ZAN: variants seen among roughly 807,000 people sequenced by gnomAD.
ZAN encodes zonadhesin (gene/pseudogene).
In ZAN, 260 loss-of-function variants were observed where a neutral mutation model predicts 286.2. That is an observed-to-expected ratio of 0.91 (90% CI 0.82 to 1.01). The LOEUF (loss-of-function observed/expected upper bound fraction) is 1.01, where lower values mean the gene tolerates loss of function less well. Among genes scored for constraint, ZAN ranks in the 50% least tolerant of loss-of-function variants. ZAN has a pLI of 0.00. For missense variants in ZAN, 3,410 were observed against 3,639.2 expected, an observed-to-expected ratio of 0.94 and a Z score of 1.62; for synonymous variants, 1,368 against 1,417.5, an observed-to-expected ratio of 0.97 and a Z score of 0.79.
intron 34 of ZAN, among the ~76,000 whole-genome samples, chr7:100,777,844 G>A (rs1357125578): frequency 6.6e-6 from 1 of 150,960 alleles, no homozygotes; most frequent in Non-Finnish European, 1.5e-5. Flanking sequence ...CTCCCGCCTC[G>A]GCCCCCCAAA....
At chr7:100,792,590 C>A (rs1159257082) in intron 42 of ZAN, 111 bp downstream of exon 42, 1 of 1,543,898 alleles carries the variant, frequency 6.5e-7, no homozygotes, top group Non-Finnish European at 8.7e-7. Context: ...CCTCTGCCGT[C>A]CACCTCTGCT....
chr7:100,769,816 GGATTAT>G, intron 27 of ZAN, 58 bp from the exon 28 acceptor site: 2 of 1,451,874 alleles, frequency 1.4e-6, no homozygotes, highest in Non-Finnish European at 1.9e-6. Context: ...CAAAGTGCTG[GGATTAT>G]AGGCATGAGC....
At position 100,753,122 on chromosome 7, in the gene ZAN, G is replaced by T; in HGVS notation, c.3017G>T (p.Ser1006Ile). ...KLTALRPPHPSPTATGLAALV... is the reference protein window; with the variant it reads ...KLTALRPPHPIPTATGLAALV... ...ACAGCCCTGAGGCCACCCCATCCCA[G>T]CCCCACAGCCACTGGGCTGGCAGCC... The change falls in exon 14 of 48, where the codon AGC becomes ATC. Residue 1006 changes from serine to isoleucine, a missense_variant. By Grantham distance (142) the Ser-to-Ile change is moderately radical. Around this residue, in one of 7 missense-constraint regions of ZAN, gnomAD observed 1,042 missense variants for 1,058.0 expected, o/e 0.98. Transcript: ENST00000613979. 1 of 1,613,802 alleles carries T rather than the reference G, an allele frequency of 6.2e-7. No homozygotes were observed.
intron 25 of ZAN, 133 bp from the exon 26 acceptor site, chr7:100,767,698 C>T (rs569053792): frequency 1.4e-5 from 14 of 1,027,846 alleles, no homozygotes; most frequent in South Asian, 5.2e-5. Context: ...AGGCTGATCT[C>T]GAGATCCTGG....
At chr7:100,780,087 G>A (rs918295219) in intron 35 of ZAN, among the ~76,000 whole-genome samples, 17 of 151,936 alleles carry the variant, frequency 1.1e-4, no homozygotes, top group African/African-American at 4.1e-4. Flanking sequence ...CAGCTACTCG[G>A]GAGGCTGAGG....
intron 19 of ZAN, among the ~76,000 whole-genome samples, chr7:100,760,737 G>A (rs189311531): frequency 6.6e-5 from 10 of 152,204 alleles, no homozygotes; most frequent in South Asian, 6.2e-4. Flanking sequence ...AAATGGTTTC[G>A]GGGCATGTGA....
chr7:100,748,152 G>A lies in ZAN; in HGVS notation c.1039G>A (p.Val347Ile), dbSNP rs758610553. 2.6e-5 allele frequency: 42 copies of A among 1,613,692 alleles called. No individual in the cohort carries two copies. The highest frequency in any genetic ancestry group is 1.6e-4 in the Middle Eastern group (1 of 6,084). Residue 347 changes from valine to isoleucine, a missense_variant, in exon 10 of 48, where the codon GTT becomes ATT. By Grantham distance (29) the Val-to-Ile change is conservative (BLOSUM62 3). This residue lies in a region of ZAN where 872 missense variants were observed against 938.9 expected (regional missense o/e 0.93). Transcript: ENST00000613979. ...VGRIQFAVVGVFGKTPEPAVA... is the reference protein window; with the variant it reads ...VGRIQFAVVGIFGKTPEPAVA... ...TTCTCTCCAGTTTGCCGTGGTAGGC[G>A]TTTTTGGAAAGACCCCAGAGCCAGC...
chr7:100,749,695 T>C (rs1241008536), intron 11 of ZAN, among the ~76,000 whole-genome samples: 1 of 133,544 alleles, frequency 7.5e-6, no homozygotes, highest in African/African-American at 2.7e-5. Flanking sequence ...CACATATATA[T>C]ACACACATAT....
At chr7:100,787,103 T>C (rs1811608673) in intron 37 of ZAN, among the ~76,000 whole-genome samples, 1 of 150,996 alleles carries the variant, frequency 6.6e-6, no homozygotes, top group Non-Finnish European at 1.5e-5. Context: ...GGGCCTCTAA[T>C]TGAATGTCAG....
chr7:100,794,226 C>G lies in ZAN; in HGVS notation c.8093C>G (p.Thr2698Ser). Residue 2698 changes from threonine to serine, a missense_variant, in exon 44 of 48, where the codon ACC becomes AGC. Transcript: ENST00000613979. ...PFSCRAGEVCTLGNHTQGCFP... is the reference protein window; with the variant it reads ...PFSCRAGEVCSLGNHTQGCFP... ...AGCTGCAGAGCGGGGGAGGTCTGCA[C>G]CCTGGGGAACCACACCCAAGGCTGC... The G allele has an allele frequency of 6.2e-7, 1 of 1,611,268 alleles. No homozygotes were observed. The highest frequency in any genetic ancestry group is 2.2e-5 in the East Asian group (1 of 44,854).
In ZAN at chr7:100,758,627, C is replaced by T; in HGVS notation, c.3548C>T (p.Ala1183Val). ...ATGGGCAAGTGCACTTACATCTTGG[C>T]CCAGCCCTGTGGCAACTCAACAGGT... The part of the protein sequence containing the change: ...GFMGKCTYIL[A>V]QPCGNSTDPF... The change falls in exon 17 of 48, where the codon GCC becomes GTC. Residue 1183 changes from alanine to valine, a missense_variant. Around this residue, in one of 7 missense-constraint regions of ZAN, gnomAD observed 1,042 missense variants for 1,058.0 expected, o/e 0.98. Transcript: ENST00000613979. The T allele has an allele frequency of 1.9e-6, 3 of 1,557,408 alleles. No homozygotes were observed. Among genetic ancestry groups the T allele is most frequent in the Non-Finnish European group, 2.6e-6 (3 of 1,150,472 alleles).
chr7:100,765,209 G>A lies in ZAN; in HGVS notation c.4268-143G>A. The A allele has an allele frequency of 1.1e-5, 11 of 976,890 alleles. No homozygotes were observed. In the South Asian group the frequency reaches 1.8e-4, roughly 16 times the overall value. 60.5% of individuals were successfully genotyped at this position (976,890 alleles called of 1,614,324 possible). On this transcript the variant is annotated intron_variant, in intron 22 of 47. Transcript: ENST00000613979. ...CCCAGGGAGCCAGCCAGGCTCCTTG[G>A]GGAAGCTTCTCACAGTCACTCTCTC...
chr7:100,771,048 C>T (rs62483598), intron 28 of ZAN, among the ~76,000 whole-genome samples: 1 of 151,960 alleles, frequency 6.6e-6, no homozygotes. Flanking sequence ...AAATGATCCA[C>T]CTGCCTTGGC....
intron 12 of ZAN, 123 bp downstream of exon 12, chr7:100,751,019 C>T (rs905002547): frequency 3.8e-5 from 55 of 1,440,392 alleles, no homozygotes; most frequent in African/African-American, 1.0e-4. Context: ...AGGGGAACTT[C>T]GTGTTACAGA....
intron 34 of ZAN, among the ~76,000 whole-genome samples, chr7:100,778,587 G>A (rs552154957): frequency 1.3e-5 from 2 of 152,220 alleles, no homozygotes; most frequent in African/African-American, 4.8e-5. Flanking sequence ...CAGACTGGGC[G>A]ACAGATTGGG....
At chr7:100,790,259 G>C (rs1230640690) in intron 39 of ZAN, among the ~76,000 whole-genome samples, 9 of 151,390 alleles carry the variant, frequency 5.9e-5, no homozygotes, top group African/African-American at 2.2e-4. Context: ...GCAAGACCCT[G>C]CTTTAAAAAA....
At chr7:100,743,970 G>T (rs1807998909) in intron 7 of ZAN, among the ~76,000 whole-genome samples, 1 of 151,254 alleles carries the variant, frequency 6.6e-6, no homozygotes, top group Non-Finnish European at 1.5e-5. Context: ...TCCTGCTTCG[G>T]CCTCCCAAAG....
rs529343079 is a variant in ZAN at position 100,779,288 on chromosome 7, G to A, written c.6318-158G>A. Among the ~76,000 whole-genome samples the A allele has an allele frequency of 2.8e-3, 420 of 152,066 alleles. 21 individuals carry two copies. In the South Asian group the frequency reaches 0.083, roughly 30 times the overall value. On this transcript the variant is annotated intron_variant, in intron 34 of 47. Transcript: ENST00000613979. ...GAAGGCTGAGTGAGACAGGAGAATC[G>A]CTTGAACATGGGAGGGAAGGCAGAG...
Position 100,768,573 on chromosome 7 carries a change from G to A in ZAN, c.5042-37G>A, listed in dbSNP as rs116220467. 2,203 of 1,540,752 alleles carry A rather than the reference G, an allele frequency of 1.4e-3. 26 individuals are homozygous for A. In the African/African-American group the frequency reaches 0.026, roughly 18 times the overall value. The stretch of plus-strand genomic sequence containing the variant: ...GCCCTGGGGCCTGGCCTGCTGGGGG[G>A]CCCCTTCTTGCCTGTTTTAATGACT... On this transcript the variant is annotated intron_variant, in intron 26 of 47. Coordinates refer to ENST00000613979, the MANE Select transcript of ZAN (RefSeq NM_003386.3).
Sources: gnomAD v4.1 joint callset for allele counts (sites outside exome capture counted in the v4.1 genomes callset) on GRCh38, gnomAD v4.1.1 for gene constraint, gnomAD v4.1.1 regional missense constraint, MANE v1.5 for transcripts, NCBI Gene and HGNC (gene_info 2026-07-23, HGNC 2026-07-21) for gene names.